MTMR7: variants seen among roughly 807,000 people sequenced by gnomAD.
MTMR7 encodes phosphatidylinositol-3-phosphate phosphatase MTMR7.
Under a neutral mutation model 81.2 loss-of-function variants are expected in MTMR7, and 76 were observed. That is an observed-to-expected ratio of 0.94 (90% CI 0.78 to 1.13). The LOEUF (loss-of-function observed/expected upper bound fraction) is 1.13, where lower values mean the gene tolerates loss of function less well. Ranked by LOEUF, MTMR7 falls within the 50% of genes most tolerant of loss-of-function variation. The pLI is 0.00. For synonymous variants in MTMR7, 372 were observed against 289.8 expected, an observed-to-expected ratio of 1.28 and a Z score of -2.88; for missense variants, 1,044 against 820.0, an observed-to-expected ratio of 1.27 and a Z score of -3.34.
chr8:17,343,080 T>C (rs1294025412), intron 5 of MTMR7, among the ~76,000 whole-genome samples: 2 of 152,138 alleles, frequency 1.3e-5, no homozygotes, highest in Admixed American at 6.5e-5. Context: ...GAATTCTTCC[T>C]GGAAAGAGAA....
At chr8:17,349,118 C>A in intron 4 of MTMR7, 37 bp from the exon 5 acceptor site, 1 of 1,604,792 alleles carries the variant, frequency 6.2e-7, no homozygotes, top group African/African-American at 1.4e-5. Context: ...TTTAGGCCAT[C>A]TAGTAATGCC....
intron 7 of MTMR7, among the ~76,000 whole-genome samples, chr8:17,328,870 G>A (rs1010028497): frequency 3.9e-5 from 6 of 152,056 alleles, no homozygotes; most frequent in Non-Finnish European, 2.9e-5. Context: ...CTCTCCTTAC[G>A]AAATACAGAT....
chr8:17,333,177 C>G (rs959873481), intron 6 of MTMR7, among the ~76,000 whole-genome samples: 1 of 152,102 alleles, frequency 6.6e-6, no homozygotes, highest in Non-Finnish European at 1.5e-5. Flanking sequence ...TGTTCCCATC[C>G]ACAAAAGGGT....
chr8:17,399,021 T>A (rs1326921267), intron 1 of MTMR7, among the ~76,000 whole-genome samples: 1 of 152,072 alleles, frequency 6.6e-6, no homozygotes, highest in Non-Finnish European at 1.5e-5. Context: ...ACAGCTAGTA[T>A]CATACTGAAT....
At position 17,349,088 on chromosome 8, in the gene MTMR7, C is replaced by T; in HGVS notation, c.469-7G>A. 1 of 1,610,086 alleles carries T rather than the reference C, an allele frequency of 6.2e-7. No homozygotes were observed. Among genetic ancestry groups the T allele is most frequent in the Non-Finnish European group, 8.5e-7 (1 of 1,179,068 alleles). On this transcript the variant is annotated splice_polypyrimidine_tract_variant and splice_region_variant and intron_variant, in intron 4 of 13. Coordinates refer to ENST00000180173, the MANE Select transcript of MTMR7 (RefSeq NM_004686.5). ...TAGGATAAGAGTCACAGACCTGTCA[C>T]CAGAAAATACAAAGAGATTTTTAGG...
chr8:17,363,439 A>C (rs866512541), intron 3 of MTMR7, among the ~76,000 whole-genome samples: 9 of 152,194 alleles, frequency 5.9e-5, no homozygotes, highest in Non-Finnish European at 1.0e-4. Flanking sequence ...TCCTATGACT[A>C]CTGACAGTTT....
intron 1 of MTMR7, among the ~76,000 whole-genome samples, chr8:17,378,987 T>G (rs1050383606): frequency 1.3e-5 from 2 of 152,048 alleles, no homozygotes; most frequent in Admixed American, 6.6e-5. Context: ...AAGCCCAATG[T>G]TTAAAGGTCT....
Position 17,313,283 on chromosome 8 carries a change from A to G in MTMR7, c.975+9T>C, listed in dbSNP as rs749640901. 4 of 1,596,336 alleles carry G rather than the reference A, an allele frequency of 2.5e-6. No homozygotes were observed. The highest frequency in any genetic ancestry group is 3.4e-6 in the Non-Finnish European group (4 of 1,165,920). On this transcript the variant is annotated intron_variant, in intron 8 of 13. Transcript: ENST00000180173. ...TGTCCCTTAATTTATTTTCTCTGCA[A>G]TTGCATACCTTTGCAATGAAGATTC...
intron 7 of MTMR7, among the ~76,000 whole-genome samples, chr8:17,325,316 C>G (rs1287943293): frequency 6.6e-6 from 1 of 152,168 alleles, no homozygotes; most frequent in South Asian, 2.1e-4. Context: ...AAGTGCTCTG[C>G]CTCCAACCAT....
chr8:17,300,348 G>T, intron 13 of MTMR7, 124 bp from the exon 14 acceptor site: 2 of 1,085,402 alleles, frequency 1.8e-6, no homozygotes, highest in Non-Finnish European at 2.6e-6. Context: ...TGACTCAGAG[G>T]GATGTGAGTT....
At chr8:17,367,437 C>T (rs1167829746) in intron 3 of MTMR7, among the ~76,000 whole-genome samples, 1 of 152,062 alleles carries the variant, frequency 6.6e-6, no homozygotes, top group Non-Finnish European at 1.5e-5. Context: ...AAGTTCAATC[C>T]TTATTAATAC....
At chr8:17,303,399 C>G (rs1430757443) in intron 12 of MTMR7, among the ~76,000 whole-genome samples, 3 of 151,998 alleles carry the variant, frequency 2.0e-5, no homozygotes, top group Non-Finnish European at 2.9e-5. Flanking sequence ...GGGAGAAAAG[C>G]CATCAAGTCT....
intron 5 of MTMR7, among the ~76,000 whole-genome samples, chr8:17,348,469 G>A (rs1819628819): frequency 6.7e-6 from 1 of 148,686 alleles, no homozygotes; most frequent in Non-Finnish European, 1.5e-5. Flanking sequence ...AGAATTGCTT[G>A]AACCTGGGAG....
chr8:17,377,805 T>C lies in MTMR7; in HGVS notation c.25-4565A>G, dbSNP rs537979913. ...CCTGAAAGTTTTTAAGGGAAGCATT[T>C]TCCAAATTCTCATATGGTTGGGATA... On this transcript the variant is annotated intron_variant, in intron 1 of 13. Coordinates refer to ENST00000180173, the MANE Select transcript of MTMR7 (RefSeq NM_004686.5). 1.6e-4 allele frequency among the ~76,000 whole-genome samples: 25 copies of C among 152,312 alleles called. No individual in the cohort carries two copies. The South Asian group carries it at 5.2e-3, about 32-fold the overall frequency.
chr8:17,372,994 C>G (rs1820465674), intron 2 of MTMR7, 124 bp downstream of exon 2: 3 of 1,163,498 alleles, frequency 2.6e-6, no homozygotes, highest in Non-Finnish European at 3.6e-6. Flanking sequence ...ATTCCAGAAA[C>G]AGTTCCCCAA....
chr8:17,308,175 C>CA lies in MTMR7; in HGVS notation c.1151+1101dup, dbSNP rs998826973. ...TTTCAAAATAAACTTTACTGCAAATCAAAAAAAAAAGGTTGCCTAATATTA... is the reference window on the plus strand; with the variant it reads ...TTTCAAAATAAACTTTACTGCAAATCAAAAAAAAAAAGGTTGCCTAATATTA... On this transcript the variant is annotated intron_variant, in intron 10 of 13. Transcript: ENST00000180173. Among the ~76,000 whole-genome samples, 905 of 145,458 alleles carry CA rather than the reference C, an allele frequency of 6.2e-3. 11 individuals carry two copies. The highest frequency in any genetic ancestry group is 0.018 in the African/African-American group (729 of 39,772).
intron 7 of MTMR7, among the ~76,000 whole-genome samples, chr8:17,319,430 C>G (rs956573863): frequency 1.3e-5 from 2 of 152,168 alleles, no homozygotes; most frequent in Admixed American, 6.5e-5. Flanking sequence ...CATGTCAACG[C>G]TGAAGCTCCG....
At chr8:17,312,602 TTC>T (rs1817850451) in intron 8 of MTMR7, among the ~76,000 whole-genome samples, 1 of 138,624 alleles carries the variant, frequency 7.2e-6, no homozygotes, top group Non-Finnish European at 1.6e-5. Context: ...AAAAAAAAAA[TTC>T]TCTGTCTCCC....
chr8:17,347,965 G>A (rs972356591), intron 5 of MTMR7, among the ~76,000 whole-genome samples: 3 of 152,146 alleles, frequency 2.0e-5, no homozygotes, highest in African/African-American at 7.2e-5. Flanking sequence ...GCAGGCCATG[G>A]CCAAATCCAG....
Sources: allele counts gnomAD v4.1 joint callset (sites outside exome capture counted in the v4.1 genomes callset), GRCh38; gene constraint gnomAD v4.1.1; transcripts MANE v1.5; gene names NCBI Gene and HGNC (gene_info 2026-07-23, HGNC 2026-07-21).